GRIN2B: variants seen among roughly 807,000 people sequenced by gnomAD.
GRIN2B encodes the protein glutamate ionotropic receptor NMDA type subunit 2B, also known as glutamate receptor ionotropic, NMDA 2B.
Under a neutral mutation model 114.5 loss-of-function variants are expected in GRIN2B, and 5 were observed. The observed-to-expected ratio is 0.04, with a 90% CI of 0.02 to 0.09. The LOEUF is 0.09. GRIN2B is among the 10% of genes least tolerant of loss of function. The pLI is 1.00. For missense variants in GRIN2B, 1,108 were observed against 1,943.5 expected (o/e 0.57, Z 8.08); for synonymous variants, 787 against 745.1 (o/e 1.06, Z -0.92).
At chr12:13,920,293 G>A (rs915716703) in intron 2 of GRIN2B, among the ~76,000 whole-genome samples, 3 of 150,742 alleles carry the variant, frequency 2.0e-5, no homozygotes, top group South Asian at 2.1e-4. Flanking sequence ...AGGAGGTGAA[G>A]TGAAAAAATG....
In GRIN2B at chr12:13,706,859, T is replaced by C. The variant is rs188307179; in HGVS notation, c.1011-31000A>G. Among the ~76,000 whole-genome samples the C allele has an allele frequency of 7.8e-4, 119 of 152,200 alleles. 1 individual carries two copies. Among genetic ancestry groups the C allele is most frequent in the African/African-American group, 2.7e-3 (114 of 41,546 alleles). On this transcript the variant is annotated intron_variant, in intron 4 of 13. Transcript: ENST00000609686. Reference sequence around the variant, plus strand: ...TCTTCCCAGGCCCAGAGAGCTTCCATGGTTCTCTTCTTTCCCTTTGATGCA... The same window carrying C: ...TCTTCCCAGGCCCAGAGAGCTTCCACGGTTCTCTTCTTTCCCTTTGATGCA...
chr12:13,792,453 G>A (rs890593812), intron 3 of GRIN2B, among the ~76,000 whole-genome samples: 2 of 152,348 alleles, frequency 1.3e-5, no homozygotes, highest in Non-Finnish European at 2.9e-5. Flanking sequence ...GAAGATGTAA[G>A]TAAAAACCAA....
At chr12:13,843,348 T>C (rs1296806598) in intron 3 of GRIN2B, among the ~76,000 whole-genome samples, 2 of 152,098 alleles carry the variant, frequency 1.3e-5, no homozygotes, top group Admixed American at 1.3e-4. Flanking sequence ...CTGCATCAAG[T>C]ACCCCTAGGG....
At chr12:13,570,495 A>G (rs1440173610) in intron 11 of GRIN2B, among the ~76,000 whole-genome samples, 1 of 152,176 alleles carries the variant, frequency 6.6e-6, no homozygotes, top group Non-Finnish European at 1.5e-5. Flanking sequence ...AGGTTCCAGT[A>G]TTCTGTTGTG....
intron 3 of GRIN2B, among the ~76,000 whole-genome samples, chr12:13,766,626 C>T (rs1863795214): frequency 2.0e-5 from 3 of 152,218 alleles, no homozygotes; most frequent in Admixed American, 2.0e-4. Context: ...CCATGATCTA[C>T]CCAGCCTTTC....
intron 5 of GRIN2B, among the ~76,000 whole-genome samples, chr12:13,655,916 C>T (rs954284457): frequency 1.3e-5 from 2 of 152,210 alleles, no homozygotes; most frequent in African/African-American, 4.8e-5. Flanking sequence ...TGATTCCTTA[C>T]TTTCATTTCC....
chr12:13,966,904 G>A (rs934647352), intron 2 of GRIN2B, among the ~76,000 whole-genome samples: 3 of 152,060 alleles, frequency 2.0e-5, no homozygotes, highest in Non-Finnish European at 4.4e-5. Context: ...AATGAACAAG[G>A]GTCAGAACAT....
chr12:13,954,564 C>G (rs141866807), intron 2 of GRIN2B, among the ~76,000 whole-genome samples: 2 of 151,970 alleles, frequency 1.3e-5, no homozygotes, highest in African/African-American at 4.8e-5. Context: ...AATCCCAGCA[C>G]TTTGGGAGGC....
At chr12:13,959,410 T>G (rs1591641605) in intron 2 of GRIN2B, among the ~76,000 whole-genome samples, 1 of 152,096 alleles carries the variant, frequency 6.6e-6, no homozygotes, top group Admixed American at 6.5e-5. Context: ...TAATAAGCAG[T>G]AATGGAGAGC....
At chr12:13,738,249 C>T (rs770855887) in intron 4 of GRIN2B, among the ~76,000 whole-genome samples, 2 of 152,208 alleles carry the variant, frequency 1.3e-5, no homozygotes, top group African/African-American at 2.4e-5. Context: ...AAGAACATCA[C>T]TTTCTAGTGC....
chr12:13,874,280 T>C (rs762784680), intron 2 of GRIN2B, among the ~76,000 whole-genome samples: 7 of 152,272 alleles, frequency 4.6e-5, no homozygotes, highest in Non-Finnish European at 1.0e-4. Context: ...TTTTTCTATC[T>C]GAGCTGTTCT....
intron 2 of GRIN2B, among the ~76,000 whole-genome samples, chr12:13,898,178 G>C (rs1228662061): frequency 6.6e-6 from 1 of 152,038 alleles, no homozygotes; most frequent in African/African-American, 2.4e-5. Flanking sequence ...CAAATCCACA[G>C]GCTGCAAATG....
At chr12:13,888,098 T>C (rs1866195918) in intron 2 of GRIN2B, among the ~76,000 whole-genome samples, 1 of 151,552 alleles carries the variant, frequency 6.6e-6, no homozygotes, top group African/African-American at 2.4e-5. Context: ...AGAGAATGAG[T>C]GGAATGGACA....
chr12:13,865,861 T>G lies in GRIN2B; in HGVS notation c.348A>C (p.Ser116=), dbSNP rs369700137. ...CCAGGATGGGGGTGAGAGTCTGTGC[T>G]GAAATGAAATCGAGGATCTGGGCGA... The part of the protein sequence containing the change: ...EAIAQILDFI[S]AQTLTPILGI... The change falls in exon 3 of 14, where the codon TCA becomes TCC. Residue 116 remains serine (S), a synonymous_variant. Coordinates refer to ENST00000609686, the MANE Select transcript of GRIN2B (RefSeq NM_000834.5). The G allele has an allele frequency of 1.2e-6, 2 of 1,613,914 alleles. No homozygotes were observed. Among genetic ancestry groups the G allele is most frequent in the African/African-American group, 2.7e-5 (2 of 74,884 alleles).
At chr12:13,765,671 C>T (rs1181819224) in intron 3 of GRIN2B, among the ~76,000 whole-genome samples, 4 of 152,230 alleles carry the variant, frequency 2.6e-5, no homozygotes, top group Admixed American at 1.3e-4. Flanking sequence ...GTGCTTATAG[C>T]AGGCTCCATG....
At chr12:13,923,740 A>T (rs1489759865) in intron 2 of GRIN2B, among the ~76,000 whole-genome samples, 1 of 152,162 alleles carries the variant, frequency 6.6e-6, no homozygotes, top group Non-Finnish European at 1.5e-5. Context: ...GGGCTAAAAG[A>T]AGCTCCTTGT....
intron 5 of GRIN2B, among the ~76,000 whole-genome samples, chr12:13,628,902 C>A (rs1024361061): frequency 1.3e-5 from 2 of 151,972 alleles, no homozygotes; most frequent in Non-Finnish European, 2.9e-5. Flanking sequence ...GTTGTGAATA[C>A]ATATGAAAAG....
At chr12:13,820,659 G>T (rs924434252) in intron 3 of GRIN2B, among the ~76,000 whole-genome samples, 32 of 152,240 alleles carry the variant, frequency 2.1e-4, no homozygotes, top group African/African-American at 7.7e-4. Context: ...CTACATTAGG[G>T]AGCTAAATGT....
intron 2 of GRIN2B, among the ~76,000 whole-genome samples, chr12:13,951,812 A>G (rs1261751090): frequency 1.3e-5 from 2 of 152,314 alleles, no homozygotes; most frequent in African/African-American, 4.8e-5. Context: ...CCACCATACT[A>G]TATAGCTGGT....
Sources: allele counts gnomAD v4.1 joint callset (sites outside exome capture counted in the v4.1 genomes callset), GRCh38; gene constraint gnomAD v4.1.1; transcripts MANE v1.5; gene names NCBI Gene and HGNC (gene_info 2026-07-23, HGNC 2026-07-21).